Variants in ADCYAP1R1 observed in about 807,000 individuals in gnomAD.
ADCYAP1R1 encodes ADCYAP receptor type I, also known as pituitary adenylate cyclase-activating polypeptide type I receptor.
ADCYAP1R1 carries 44 observed loss-of-function variants against 67.6 expected under a neutral mutation model. That is an observed-to-expected ratio of 0.65 (90% CI 0.51 to 0.84). ADCYAP1R1 has a LOEUF of 0.84. Ranked by LOEUF, ADCYAP1R1 falls within the 40% of genes least tolerant of loss-of-function variation. ADCYAP1R1 has a pLI of 0.00. For synonymous variants in ADCYAP1R1, 222 were observed against 219.6 expected (o/e 1.01, Z -0.10); for missense variants, 477 against 587.9 (o/e 0.81, Z 1.95).
At chr7:31,087,064 C>T (rs972575162) in intron 11 of ADCYAP1R1, 61 bp downstream of exon 11, 54 of 1,574,534 alleles carry the variant, frequency 3.4e-5, no homozygotes, top group Non-Finnish European at 4.7e-5. Flanking sequence ...GATGGGTTCT[C>T]AGTAGCTGCC....
intron 14 of ADCYAP1R1, 99 bp from the exon 15 acceptor site, chr7:31,104,768 TG>T: frequency 7.6e-7 from 1 of 1,317,488 alleles, no homozygotes; most frequent in Non-Finnish European, 1.1e-6. Flanking sequence ...ATCCAGGTCA[TG>T]GTGTATTTCT....
Position 31,063,324 on chromosome 7 carries a change from C to T in ADCYAP1R1, c.51+9C>T, listed in dbSNP as rs370465276. 25 of 1,613,972 alleles carry T rather than the reference C, an allele frequency of 1.5e-5. No homozygotes were observed. The African/African-American group carries it at 3.1e-4, about 20-fold the overall frequency. ...TCCTCCTGCTGCCTATGGTAAGGGC[C>T]CAGGAACATCTCTCTGGGAGCCCCA... is the stretch of plus-strand genomic sequence containing the variant. On this transcript the variant is annotated intron_variant, in intron 2 of 15. Coordinates refer to ENST00000304166, the MANE Select transcript of ADCYAP1R1 (RefSeq NM_001118.5).
intron 3 of ADCYAP1R1, among the ~76,000 whole-genome samples, chr7:31,070,608 G>A (rs1794930247): frequency 6.6e-6 from 1 of 152,238 alleles, no homozygotes; most frequent in Admixed American, 6.5e-5. Context: ...CAGCTGCTCT[G>A]AGACTCAAAA....
intron 13 of ADCYAP1R1, chr7:31,100,241 G>A: frequency 6.5e-7 from 1 of 1,546,064 alleles, no homozygotes; most frequent in South Asian, 1.2e-5. Flanking sequence ...CTGTGGCCGG[G>A]AATCCTGGAG....
chr7:31,099,760 T>C (rs1796356943), intron 13 of ADCYAP1R1, among the ~76,000 whole-genome samples: 1 of 152,168 alleles, frequency 6.6e-6, no homozygotes, highest in African/African-American at 2.4e-5. Context: ...AGTGGGACCT[T>C]GACGAGGCGG....
Position 31,106,519 on chromosome 7 carries a change from A to G in ADCYAP1R1, c.1242A>G (p.Lys414=). 6.2e-7 allele frequency: 1 copy of G among 1,611,938 alleles called. No individual in the cohort carries two copies. Among genetic ancestry groups the G allele is most frequent in the Non-Finnish European group, 8.5e-7 (1 of 1,178,844 alleles). Residue 414 remains lysine, a synonymous_variant, in exon 16 of 16, where the codon AAA becomes AAG. Coordinates refer to ENST00000304166, the MANE Select transcript of ADCYAP1R1 (RefSeq NM_001118.5). ...AGGTACAAGCGGAGATCAAGCGAAA[A>G]TGGCGAAGCTGGAAGGTGAACCGTT... ...NGEVQAEIKR[K]WRSWKVNRYF...
Position 31,093,751 on chromosome 7 carries a change from T to C in ADCYAP1R1, c.1046+1016T>C, listed in dbSNP as rs76384443. Among the ~76,000 whole-genome samples the C allele has an allele frequency of 8.1e-3, 1,226 of 152,190 alleles. 25 individuals are homozygous for C. Among genetic ancestry groups the C allele is most frequent in the African/African-American group, 0.028 (1,161 of 41,522 alleles). On this transcript the variant is annotated intron_variant, in intron 13 of 15. Coordinates refer to ENST00000304166, the MANE Select transcript of ADCYAP1R1 (RefSeq NM_001118.5). ...TGAGGTATCTTCACTGGGTGCCTCATTGGGTCCATGGTCCTGCCTTCATCA... is the reference window on the plus strand; with the variant it reads ...TGAGGTATCTTCACTGGGTGCCTCACTGGGTCCATGGTCCTGCCTTCATCA...
chr7:31,060,531 G>A (rs1407685273), intron 1 of ADCYAP1R1, among the ~76,000 whole-genome samples: 1 of 149,524 alleles, frequency 6.7e-6, no homozygotes, highest in African/African-American at 2.5e-5. Flanking sequence ...GTTGCCTGTC[G>A]GTCCCTGAAG....
At chr7:31,059,589 G>A (rs1794402622) in intron 1 of ADCYAP1R1, among the ~76,000 whole-genome samples, 1 of 152,198 alleles carries the variant, frequency 6.6e-6, no homozygotes, top group African/African-American at 2.4e-5. Flanking sequence ...TCCCTTGAGG[G>A]TGTCACTAGC....
intron 13 of ADCYAP1R1, among the ~76,000 whole-genome samples, chr7:31,101,484 G>A (rs1229180542): frequency 6.6e-6 from 1 of 152,114 alleles, no homozygotes; most frequent in Non-Finnish European, 1.5e-5. Flanking sequence ...TCCTTCAATA[G>A]ATATCTTTTT....
intron 12 of ADCYAP1R1, among the ~76,000 whole-genome samples, chr7:31,088,907 T>C (rs1397174477): frequency 6.6e-6 from 1 of 152,216 alleles, no homozygotes; most frequent in Non-Finnish European, 1.5e-5. Flanking sequence ...TTAAGATTTG[T>C]GTAGGAATTG....
intron 14 of ADCYAP1R1, among the ~76,000 whole-genome samples, chr7:31,103,650 G>A (rs1796523301): frequency 6.6e-6 from 1 of 152,212 alleles, no homozygotes; most frequent in South Asian, 2.1e-4. Flanking sequence ...GTGCAGGGTG[G>A]AGTGTCCTCA....
At chr7:31,073,471 G>A (rs1204531461) in intron 3 of ADCYAP1R1, among the ~76,000 whole-genome samples, 3 of 152,172 alleles carry the variant, frequency 2.0e-5, no homozygotes, top group African/African-American at 7.2e-5. Context: ...ATATGGGTCT[G>A]TAGAAGCTGG....
chr7:31,063,240 C>T lies in ADCYAP1R1; in HGVS notation c.-25C>T. On this transcript the variant is annotated 5_prime_UTR_variant, in exon 2 of 16. Transcript: ENST00000304166. ...ACCTGCCGCTGCTGTCAGTGGGAGG[C>T]CAGTGGTGCTGGCCAAGAAGTGTCA... 6.2e-7 allele frequency: 1 copy of T among 1,614,122 alleles called. No individual in the cohort carries two copies. The highest frequency in any genetic ancestry group is 8.5e-7 in the Non-Finnish European group (1 of 1,179,962).
At chr7:31,077,696 G>A (rs1795327107) in intron 3 of ADCYAP1R1, among the ~76,000 whole-genome samples, 1 of 145,710 alleles carries the variant, frequency 6.9e-6, no homozygotes, top group African/African-American at 2.5e-5. Flanking sequence ...GGTGTGTGTG[G>A]TGTGTGTGAT....
intron 3 of ADCYAP1R1, among the ~76,000 whole-genome samples, chr7:31,076,061 G>T (rs150702521): frequency 3.3e-5 from 5 of 152,304 alleles, no homozygotes; most frequent in African/African-American, 1.2e-4. Flanking sequence ...TTCAAGGTGG[G>T]GGTGTCCAGC....
chr7:31,073,316 A>T (rs1226340949), intron 3 of ADCYAP1R1, among the ~76,000 whole-genome samples: 2 of 152,200 alleles, frequency 1.3e-5, no homozygotes, highest in Non-Finnish European at 2.9e-5. Flanking sequence ...GTATGTCTTG[A>T]ATAAATGAGT....
chr7:31,087,823 C>G, intron 12 of ADCYAP1R1, 127 bp downstream of exon 12: 2 of 652,562 alleles, frequency 3.1e-6, no homozygotes, highest in Admixed American at 3.2e-5. Context: ...GCATTATAAT[C>G]TGTAACAGGG....
At position 31,080,504 on chromosome 7, in the gene ADCYAP1R1, G is replaced by A. The variant is rs1384081981; in HGVS notation, c.266-109G>A. The A allele has an allele frequency of 3.5e-6, 4 of 1,127,304 alleles. No homozygotes were observed. The South Asian group carries it at 5.5e-5, about 16-fold the overall frequency. 69.8% of individuals were successfully genotyped at this position (1,127,304 alleles called of 1,614,324 possible). ...GAGCCCCTCTTTAATGTTTGGGGTT[G>A]GGAAGGAGGAGGAAGTGATCAGCAA... On this transcript the variant is annotated intron_variant, in intron 4 of 15. Transcript: ENST00000304166.
Sources: gnomAD v4.1 joint callset for allele counts (sites outside exome capture counted in the v4.1 genomes callset) on GRCh38, gnomAD v4.1.1 for gene constraint, MANE v1.5 for transcripts, NCBI Gene and HGNC (gene_info 2026-07-23, HGNC 2026-07-21) for gene names.